Variants in DNMBP observed in about 807,000 individuals in gnomAD.
DNMBP encodes the protein dynamin binding protein.
DNMBP carries 87 observed loss-of-function variants against 150.0 expected under a neutral mutation model. The observed-to-expected ratio is 0.58, with a 90% confidence interval of 0.49 to 0.69. DNMBP has a LOEUF of 0.69. Among genes scored for constraint, DNMBP ranks in the 30% least tolerant of loss-of-function variants. DNMBP has a pLI of 0.00. For synonymous variants in DNMBP, 711 were observed against 750.4 expected, an observed-to-expected ratio of 0.95 and a Z score of 0.86; for missense variants, 1,774 against 1,949.0, an observed-to-expected ratio of 0.91 and a Z score of 1.69.
intron 1 of DNMBP, among the ~76,000 whole-genome samples, chr10:99,983,072 GGA>G (rs909015901): frequency 1.3e-5 from 2 of 152,250 alleles, no homozygotes; most frequent in African/African-American, 4.8e-5. Flanking sequence ...TACTCTACCA[GGA>G]GAGACTGCCT....
At chr10:99,900,157 C>A (rs2039718149) in intron 6 of DNMBP, 91 bp from the exon 7 acceptor site, 2 of 1,269,844 alleles carry the variant, frequency 1.6e-6, no homozygotes, top group South Asian at 1.3e-5. Flanking sequence ...TTAGTACCAG[C>A]TAAATCCTAC....
intron 4 of DNMBP, among the ~76,000 whole-genome samples, chr10:99,926,395 C>T (rs2040078758): frequency 6.6e-6 from 1 of 152,140 alleles, no homozygotes; most frequent in African/African-American, 2.4e-5. Context: ...AGTGATCCTC[C>T]CACCTCAGCC....
chr10:99,895,492 T>C (rs1334661611), intron 10 of DNMBP, among the ~76,000 whole-genome samples: 1 of 152,246 alleles, frequency 6.6e-6, no homozygotes, highest in Non-Finnish European at 1.5e-5. Flanking sequence ...TCCTGAATCA[T>C]AGTGAATTGA....
At chr10:99,881,115 C>G (rs1325507484) in intron 15 of DNMBP, among the ~76,000 whole-genome samples, 1 of 152,036 alleles carries the variant, frequency 6.6e-6, no homozygotes, top group African/African-American at 2.4e-5. Flanking sequence ...GTAATCCCAG[C>G]TACTCAGGAG....
intron 1 of DNMBP, among the ~76,000 whole-genome samples, chr10:100,003,920 A>T (rs2041041669): frequency 6.6e-6 from 1 of 152,072 alleles, no homozygotes; most frequent in African/African-American, 2.4e-5. Flanking sequence ...AATAAACTCC[A>T]ATAAAAATTC....
intron 15 of DNMBP, among the ~76,000 whole-genome samples, chr10:99,883,668 A>AAAAAAAAAAAAAAAAAAAAAAAT (rs2039405371): frequency 6.9e-6 from 1 of 145,584 alleles, no homozygotes; most frequent in African/African-American, 2.6e-5. Flanking sequence ...AAAAAAAAAA[A>AAAAAAAAAAAAAAAAAAAAAAAT]TTTGAAAAGA....
At chr10:100,001,318 A>G (rs1048243260) in intron 1 of DNMBP, among the ~76,000 whole-genome samples, 1 of 142,988 alleles carries the variant, frequency 7.0e-6, no homozygotes, top group Non-Finnish European at 1.5e-5. Context: ...GAATCTCCTC[A>G]CCATAGGGAT....
chr10:99,906,847 A>G (rs2039832592), intron 6 of DNMBP, among the ~76,000 whole-genome samples: 1 of 152,240 alleles, frequency 6.6e-6, no homozygotes, highest in African/African-American at 2.4e-5. Flanking sequence ...GAGGTAATAC[A>G]TGTTTAATGT....
intron 4 of DNMBP, among the ~76,000 whole-genome samples, chr10:99,910,750 G>T (rs1055529402): frequency 6.6e-6 from 1 of 152,222 alleles, no homozygotes; most frequent in Non-Finnish European, 1.5e-5. Flanking sequence ...AGGCCAGCTT[G>T]AAGGGGCTCC....
intron 3 of DNMBP, 76 bp downstream of exon 3, chr10:99,969,039 A>T: frequency 3.2e-6 from 5 of 1,574,482 alleles, no homozygotes. Flanking sequence ...ACAAATTCAA[A>T]AAGGATCTGG....
At chr10:100,008,146 G>A (rs183294920) in intron 1 of DNMBP, among the ~76,000 whole-genome samples, 1 of 152,346 alleles carries the variant, frequency 6.6e-6, no homozygotes, top group Admixed American at 6.5e-5. Context: ...GGAGGCTGAG[G>A]CAGGCGGATC....
chr10:99,894,871 A>G (rs781028131), intron 11 of DNMBP, 75 bp downstream of exon 11: 24 of 1,167,352 alleles, frequency 2.1e-5, no homozygotes, highest in Middle Eastern at 1.9e-4. Context: ...TTCATTAAAC[A>G]ATATGACTGA....
intron 3 of DNMBP, chr10:99,957,910 G>A (rs1001371989): frequency 6.6e-6 from 1 of 152,312 alleles, no homozygotes; most frequent in Non-Finnish European, 1.5e-5. Context: ...AAGGCAGGCG[G>A]ATCACTTGAG....
intron 4 of DNMBP, among the ~76,000 whole-genome samples, chr10:99,933,906 T>G (rs2040192755): frequency 6.6e-6 from 1 of 152,036 alleles, no homozygotes; most frequent in Non-Finnish European, 1.5e-5. Flanking sequence ...CCGGCTAAAG[T>G]TTTGTAATTT....
chr10:99,996,517 C>G (rs1448152241), intron 1 of DNMBP, among the ~76,000 whole-genome samples: 2 of 152,082 alleles, frequency 1.3e-5, no homozygotes, highest in Non-Finnish European at 2.9e-5. Context: ...GAGACTCCAA[C>G]TAAATTAAAA....
intron 15 of DNMBP, among the ~76,000 whole-genome samples, chr10:99,882,959 C>G (rs1426312346): frequency 2.0e-5 from 3 of 151,976 alleles, no homozygotes; most frequent in Non-Finnish European, 4.4e-5. Context: ...GAGGCTGAGG[C>G]AGGAGAATCG....
chr10:99,888,185 T>C (rs545876058), intron 12 of DNMBP, among the ~76,000 whole-genome samples: 5 of 151,634 alleles, frequency 3.3e-5, no homozygotes, highest in African/African-American at 1.2e-4. Flanking sequence ...CCTAAATATT[T>C]GTCTTCAAGG....
intron 1 of DNMBP, among the ~76,000 whole-genome samples, chr10:100,006,337 G>C (rs2041070696): frequency 6.6e-6 from 1 of 152,132 alleles, no homozygotes; most frequent in Non-Finnish European, 1.5e-5. Context: ...CAATCCTCTT[G>C]CCTCCCTGTA....
At position 99,956,604 on chromosome 10, in the gene DNMBP, G is replaced by T; in HGVS notation, c.870C>A (p.Gly290=). The change falls in exon 4 of 17, where the codon GGC becomes GGA. Residue 290 remains glycine, a synonymous_variant. Transcript: ENST00000324109. Reference sequence around the variant, plus strand: ...ATTTCACAAACCGGTAAGGAAAGATGCCTGTCCTGCCCTTCAGGGATCCTT... The same window carrying T: ...ATTTCACAAACCGGTAAGGAAAGATTCCTGTCCTGCCCTTCAGGGATCCTT... ...WLEGSLKGRT[G]IFPYRFVKLC... 1 of 1,614,074 alleles carries T rather than the reference G, an allele frequency of 6.2e-7. No individual in the cohort carries two copies.
Sources: gnomAD v4.1 joint callset for allele counts (sites outside exome capture counted in the v4.1 genomes callset) on GRCh38, gnomAD v4.1.1 for gene constraint, MANE v1.5 for transcripts, NCBI Gene and HGNC (gene_info 2026-07-23, HGNC 2026-07-21) for gene names.